The following SLC24A2 variants were observed in gnomAD, a reference collection of about 807,000 sequenced individuals.
The protein encoded by SLC24A2 is solute carrier family 24 member 2.
SLC24A2 carries 36 observed loss-of-function variants against 62.0 expected under a neutral mutation model. The ratio of observed to expected loss-of-function variants is 0.58; its 90% confidence interval spans 0.44 to 0.77. SLC24A2 has a LOEUF of 0.77. Among genes scored for constraint, SLC24A2 ranks in the 30% least tolerant of loss-of-function variants. SLC24A2 has a pLI of 0.00. For missense variants in SLC24A2, 846 were observed against 817.9 expected (o/e 1.03, Z -0.42); for synonymous variants, 358 against 294.0 (o/e 1.22, Z -2.23).
At chr9:19,904,376 A>G in the SLC24A2 span, among the ~76,000 whole-genome samples, 1 of 152,200 alleles carries the variant, frequency 6.6e-6, no homozygotes, top group East Asian at 1.9e-4. Context: ...TCTTAGAGAG[A>G]AGCAAAAGAC....
chr9:20,240,571 A>G, the SLC24A2 span, among the ~76,000 whole-genome samples: 1 of 152,174 alleles, frequency 6.6e-6, no homozygotes, highest in East Asian at 1.9e-4. Flanking sequence ...TTCCTTTTTA[A>G]CTTGGATGTA....
the SLC24A2 span, among the ~76,000 whole-genome samples, chr9:20,167,811 T>C: frequency 1.4e-4 from 21 of 151,762 alleles, no homozygotes; most frequent in Non-Finnish European, 7.4e-5. Flanking sequence ...TCTCAAATTT[T>C]TGGCCTCAAG....
At chr9:20,134,023 C>A in the SLC24A2 span, among the ~76,000 whole-genome samples, 1 of 152,074 alleles carries the variant, frequency 6.6e-6, no homozygotes, top group Non-Finnish European at 1.5e-5. Flanking sequence ...CAGGAGCAGA[C>A]CATGGAGGAC....
intron 2 of SLC24A2, among the ~76,000 whole-genome samples, chr9:19,671,815 T>C (rs1159519687): frequency 6.7e-6 from 1 of 148,258 alleles, no homozygotes; most frequent in East Asian, 1.9e-4. Context: ...GAGACGAACA[T>C]ATGATTTTTG....
chr9:19,545,008 T>A (rs947078818), intron 8 of SLC24A2, among the ~76,000 whole-genome samples: 1 of 152,178 alleles, frequency 6.6e-6, no homozygotes, highest in Non-Finnish European at 1.5e-5. Context: ...CTGGATGATA[T>A]CCCGAAAAGT....
the SLC24A2 span, among the ~76,000 whole-genome samples, chr9:20,235,262 G>C: frequency 6.6e-6 from 1 of 152,226 alleles, no homozygotes. Flanking sequence ...TGTCAGACAG[G>C]GACATTTAAG....
intron 9 of SLC24A2, among the ~76,000 whole-genome samples, chr9:19,526,936 A>AT (rs990925344): frequency 1.3e-5 from 2 of 151,744 alleles, no homozygotes; most frequent in African/African-American, 2.4e-5. Context: ...GGTCATACAG[A>AT]TTTTTTTTCT....
intron 4 of SLC24A2, among the ~76,000 whole-genome samples, chr9:19,615,852 C>G (rs1276574720): frequency 2.0e-5 from 3 of 152,106 alleles, no homozygotes; most frequent in Admixed American, 6.5e-5. Flanking sequence ...TCCCTTATCT[C>G]ACAAAAACAA....
the SLC24A2 span, among the ~76,000 whole-genome samples, chr9:20,203,706 GAAGA>G: frequency 6.6e-6 from 1 of 151,970 alleles, no homozygotes; most frequent in African/African-American, 2.4e-5. Flanking sequence ...GAAGAAGAAA[GAAGA>G]AAGAAGAAGC....
intron 2 of SLC24A2, among the ~76,000 whole-genome samples, chr9:19,757,728 G>C (rs181691798): frequency 6.6e-6 from 1 of 152,160 alleles, no homozygotes; most frequent in African/African-American, 2.4e-5. Flanking sequence ...GTTGAAATTT[G>C]ATCTTCAGTG....
At chr9:19,665,265 G>C (rs1040802647) in intron 2 of SLC24A2, among the ~76,000 whole-genome samples, 1 of 152,100 alleles carries the variant, frequency 6.6e-6, no homozygotes, top group African/African-American at 2.4e-5. Context: ...AAAAGTAGGC[G>C]GTTTACGCTC....
chr9:19,789,865 C>G (rs373624579), upstream of SLC24A2, among the ~76,000 whole-genome samples: 18 of 152,180 alleles, frequency 1.2e-4, no homozygotes, highest in Non-Finnish European at 2.5e-4. Context: ...ATTTTCCCCT[C>G]TCCTTACCCT....
the SLC24A2 span, among the ~76,000 whole-genome samples, chr9:19,978,156 T>C: frequency 2.0e-5 from 3 of 152,190 alleles, no homozygotes; most frequent in Admixed American, 6.6e-5. Context: ...GCCTCAAACA[T>C]GTGGTTCTAT....
At chr9:20,081,190 G>A in the SLC24A2 span, among the ~76,000 whole-genome samples, 2 of 152,002 alleles carry the variant, frequency 1.3e-5, no homozygotes, top group East Asian at 3.9e-4. Flanking sequence ...TATGTTTATT[G>A]CGGCACTATT....
the SLC24A2 span, among the ~76,000 whole-genome samples, chr9:19,916,044 T>C: frequency 6.6e-6 from 1 of 152,092 alleles, no homozygotes; most frequent in South Asian, 2.1e-4. Flanking sequence ...TTAGCACTTA[T>C]ATTTTGGTAA....
intron 7 of SLC24A2, among the ~76,000 whole-genome samples, chr9:19,555,192 C>G (rs1563960328): frequency 6.6e-6 from 1 of 151,954 alleles, no homozygotes; most frequent in Non-Finnish European, 1.5e-5. Flanking sequence ...CTTATTCAAG[C>G]CATTGTTATT....
intron 2 of SLC24A2, among the ~76,000 whole-genome samples, chr9:19,663,334 A>G (rs932217829): frequency 1.8e-4 from 28 of 152,272 alleles, no homozygotes; most frequent in African/African-American, 2.2e-4. Context: ...AAAGTTCTAG[A>G]GCAGAAGCCT....
At chr9:20,234,239 C>T in the SLC24A2 span, among the ~76,000 whole-genome samples, 9 of 152,162 alleles carry the variant, frequency 5.9e-5, no homozygotes, top group South Asian at 6.2e-4. Flanking sequence ...ATCTTTGTGG[C>T]GTTCTCTGTA....
At chr9:19,525,507 G>C (rs1833405114) in intron 9 of SLC24A2, among the ~76,000 whole-genome samples, 1 of 143,124 alleles carries the variant, frequency 7.0e-6, no homozygotes, top group African/African-American at 2.6e-5. Context: ...GGGATCAAAT[G>C]ATCCTCCCCA....
Sources: gnomAD v4.1 joint callset for allele counts (sites outside exome capture counted in the v4.1 genomes callset) on GRCh38, gnomAD v4.1.1 for gene constraint, MANE v1.5 for transcripts, NCBI Gene and HGNC (gene_info 2026-07-23, HGNC 2026-07-21) for gene names.